Variants in FLI1 observed in about 807,000 individuals in gnomAD.
FLI1 encodes the protein Friend leukemia integration 1 transcription factor.
FLI1 carries 13 observed loss-of-function variants against 53.1 expected under a neutral mutation model. The observed-to-expected ratio is 0.24, with a 90% CI of 0.16 to 0.39. The LOEUF is 0.39. Among genes scored for constraint, FLI1 ranks in the 10% least tolerant of loss-of-function variants. The pLI is 1.00. For synonymous variants in FLI1, 244 were observed against 236.7 expected, an observed-to-expected ratio of 1.03 and a Z score of -0.28; for missense variants, 424 against 600.5, an observed-to-expected ratio of 0.71 and a Z score of 3.07.
intron 1 of FLI1, among the ~76,000 whole-genome samples, chr11:128,729,253 A>C (rs1939601603): frequency 6.6e-6 from 1 of 152,204 alleles, no homozygotes; most frequent in African/African-American, 2.4e-5. Flanking sequence ...CAAGCTTATT[A>C]TATTTATCAA....
chr11:128,726,789 A>G (rs1284275469), intron 1 of FLI1, among the ~76,000 whole-genome samples: 1 of 152,224 alleles, frequency 6.6e-6, no homozygotes, highest in Non-Finnish European at 1.5e-5. Flanking sequence ...TTGTAAAAAC[A>G]GGGCAGCAGA....
chr11:128,779,417 G>A (rs78626858), intron 4 of FLI1, among the ~76,000 whole-genome samples: 321 of 152,210 alleles, frequency 2.1e-3, no homozygotes, highest in African/African-American at 7.2e-3. Flanking sequence ...CAGTCGTGCC[G>A]GATTATTTCT....
intron 1 of FLI1, among the ~76,000 whole-genome samples, chr11:128,716,569 C>G (rs1344105526): frequency 6.6e-6 from 1 of 152,114 alleles, no homozygotes; most frequent in Non-Finnish European, 1.5e-5. Context: ...AGAGCTAGTT[C>G]CAAAAGTAAA....
At chr11:128,720,978 C>T (rs578148477) in intron 1 of FLI1, among the ~76,000 whole-genome samples, 42 of 152,346 alleles carry the variant, frequency 2.8e-4, no homozygotes, top group Admixed American at 5.2e-4. Context: ...GGCCCTTCCC[C>T]CTCCACCCAG....
chr11:128,758,407 GT>G (rs1335854477), intron 2 of FLI1, 81 bp downstream of exon 2: 13 of 1,207,916 alleles, frequency 1.1e-5, no homozygotes, highest in Non-Finnish European at 2.4e-6. Context: ...GGCACTTAAG[GT>G]TTTTGCAGCA....
At chr11:128,740,416 T>C (rs12281918) in intron 1 of FLI1, among the ~76,000 whole-genome samples, 27,650 of 152,210 alleles carry the variant, frequency 0.18, 2,903 homozygotes, top group Admixed American at 0.34. Context: ...GAGAAATCCT[T>C]AAACACTGTT....
Position 128,810,240 on chromosome 11 carries a change from C to T in FLI1, c.830-219C>T, listed in dbSNP as rs1215519198. Among the ~76,000 whole-genome samples, 1 of 151,934 alleles carries T rather than the reference C, an allele frequency of 6.6e-6. No individual in the cohort carries two copies. The highest frequency in any genetic ancestry group is 1.5e-5 in the Non-Finnish European group (1 of 68,016). On this transcript the variant is annotated intron_variant, in intron 8 of 8. Coordinates refer to ENST00000527786, the MANE Select transcript of FLI1 (RefSeq NM_002017.5). The surrounding 1 kb of genome is among the most constrained non-coding windows in gnomAD (Gnocchi z 6.6). ...CCATTTACCAGGCCTTGGGGCAAAG[C>T]ATCTTAGGATCTAACCTCGCTTATT... is the stretch of plus-strand genomic sequence containing the variant.
intron 7 of FLI1, among the ~76,000 whole-genome samples, chr11:128,807,955 TG>T (rs1942829438): frequency 6.6e-6 from 1 of 152,174 alleles, no homozygotes; most frequent in Admixed American, 6.5e-5. Context: ...TATCTTCTTA[TG>T]TGATGCAGCT....
rs1366393027 is a variant in FLI1 at position 128,810,068 on chromosome 11, T to A, written c.830-391T>A. On this transcript the variant is annotated intron_variant, in intron 8 of 8. Transcript: ENST00000527786. The surrounding 1 kb of genome is among the most constrained non-coding windows in gnomAD (Gnocchi z 6.6). ...CTGACAGGGAATTCCCTGGGGGACA[T>A]GACCACTAATTAGAGATCAGTCAGT... Among the ~76,000 whole-genome samples, 3 of 151,998 alleles carry A rather than the reference T, an allele frequency of 2.0e-5. No individual in the cohort carries two copies. Among genetic ancestry groups the A allele is most frequent in the Non-Finnish European group, 4.4e-5 (3 of 67,992 alleles).
intron 1 of FLI1, among the ~76,000 whole-genome samples, chr11:128,722,824 G>A (rs1939310076): frequency 1.3e-5 from 2 of 152,156 alleles, no homozygotes; most frequent in African/African-American, 4.8e-5. Flanking sequence ...CTCCTATCGA[G>A]CTCTGGGAAC....
At chr11:128,753,151 A>G (rs1015539761) in intron 1 of FLI1, among the ~76,000 whole-genome samples, 1 of 152,152 alleles carries the variant, frequency 6.6e-6, no homozygotes, top group African/African-American at 2.4e-5. Flanking sequence ...GGACCCACAG[A>G]CCCAGCCTTT....
chr11:128,743,051 A>G (rs1449975337), intron 1 of FLI1, among the ~76,000 whole-genome samples: 1 of 152,128 alleles, frequency 6.6e-6, no homozygotes, highest in Non-Finnish European at 1.5e-5. Context: ...TGAACATGGG[A>G]GATCTCAATC....
chr11:128,694,349 G>C, intron 1 of FLI1, 73 bp downstream of exon 1: 1 of 1,177,488 alleles, frequency 8.5e-7, no homozygotes, highest in East Asian at 3.2e-5. Context: ...GGTAGGTGCG[G>C]GGCCCGCGTC....
At chr11:128,771,189 C>A (rs978264478) in intron 3 of FLI1, among the ~76,000 whole-genome samples, 1 of 152,224 alleles carries the variant, frequency 6.6e-6, no homozygotes, top group Non-Finnish European at 1.5e-5. Flanking sequence ...GCACATAGCA[C>A]CCACCATCTG....
Position 128,810,959 on chromosome 11 carries a change from G to A in FLI1, c.1330G>A (p.Val444Met), listed in dbSNP as rs371183121. Reference protein sequence around the residue: ...PNVPRHPNTHVPSHLGSYY With the variant: ...PNVPRHPNTHMPSHLGSYY Reference sequence around the variant, plus strand: ...CGTCCCCCGCCATCCTAACACCCACGTGCCTTCACACTTAGGCAGCTACTA... The same window carrying A: ...CGTCCCCCGCCATCCTAACACCCACATGCCTTCACACTTAGGCAGCTACTA... The change falls in exon 9 of 9, where the codon GTG (valine) becomes ATG (methionine). Residue 444 changes from valine (V) to methionine (M), a missense_variant. This residue lies in a region of FLI1 where 87 missense variants were observed against 100.0 expected (regional missense o/e 0.87). Transcript: ENST00000527786. This position sits in a 1 kb window ranked among gnomAD's most constrained non-coding sequence, Gnocchi z 6.6. The A allele has an allele frequency of 1.6e-5, 26 of 1,613,818 alleles. No homozygotes were observed. Among genetic ancestry groups the A allele is most frequent in the African/African-American group, 4.0e-5 (3 of 74,890 alleles).
intron 1 of FLI1, among the ~76,000 whole-genome samples, chr11:128,750,354 T>G (rs1400238013): frequency 6.6e-6 from 1 of 152,204 alleles, no homozygotes; most frequent in African/African-American, 2.4e-5. Context: ...CATTGGTGCT[T>G]CTCAGGCCCC....
intron 1 of FLI1, among the ~76,000 whole-genome samples, chr11:128,702,177 A>G: frequency 6.6e-6 from 1 of 152,242 alleles, no homozygotes; most frequent in East Asian, 1.9e-4. Flanking sequence ...TTCAATACTC[A>G]TTCATGTATT....
chr11:128,772,390 G>C (rs913627714), intron 3 of FLI1, among the ~76,000 whole-genome samples: 2 of 152,190 alleles, frequency 1.3e-5, no homozygotes, highest in African/African-American at 2.4e-5. Flanking sequence ...AGGGATCCGT[G>C]TTCTTTCATG....
At chr11:128,695,016 T>C (rs1295213353) in intron 1 of FLI1, among the ~76,000 whole-genome samples, 8 of 140,686 alleles carry the variant, frequency 5.7e-5, no homozygotes, top group African/African-American at 1.6e-4. Context: ...GCCCCCGCCC[T>C]TCGCGCCTAG....
Sources: allele counts gnomAD v4.1 joint callset (sites outside exome capture counted in the v4.1 genomes callset), GRCh38; gene constraint gnomAD v4.1.1; regional missense constraint gnomAD v4.1.1; non-coding constraint Gnocchi (gnomAD v3.1); transcripts MANE v1.5; gene names NCBI Gene and HGNC (gene_info 2026-07-23, HGNC 2026-07-21).